Variants in ZNF850 observed in about 807,000 individuals in gnomAD.
The protein encoded by ZNF850 is putative zinc finger protein ENSP00000330994.
In ZNF850, 2 loss-of-function variants were observed where a neutral mutation model predicts 11.9. The observed-to-expected ratio is 0.17, with a 90% confidence interval of 0.07 to 0.53. The LOEUF is 0.53. ZNF850 is among the 20% of genes least tolerant of loss of function. ZNF850 has a pLI of 0.94. For missense variants in ZNF850, 1,014 were observed against 1,316.4 expected, an observed-to-expected ratio of 0.77 and a Z score of 3.55; for synonymous variants, 381 against 443.0, an observed-to-expected ratio of 0.86 and a Z score of 1.76.
intron 1 of ZNF850, among the ~76,000 whole-genome samples, chr19:36,771,324 G>C (rs1007253804): frequency 6.7e-6 from 1 of 150,206 alleles, no homozygotes; most frequent in African/African-American, 2.4e-5. Context: ...GCACTACCCA[G>C]CTTGGCCCTG....
At position 36,747,978 on chromosome 19, in the gene ZNF850, G is replaced by A. The variant is rs779004307; in HGVS notation, c.3062C>T (p.Pro1021Leu). 2.5e-6 allele frequency: 4 copies of A among 1,584,908 alleles called. No individual in the cohort carries two copies. The Admixed American group carries it at 7.2e-5, about 29-fold the overall frequency. Reference sequence around the variant, plus strand: ...TCGTTTATGTTGACTAAGTTGTGAAGGACATCTAAAGGCCTTCCCACATTC... The same window carrying A: ...TCGTTTATGTTGACTAAGTTGTGAAAGACATCTAAAGGCCTTCCCACATTC... The part of the protein sequence containing the change: ...CKECGKAFRC[P>L]SQLSQHKRIH... The change falls in exon 5 of 5, where the codon CCT (proline) becomes CTT (leucine). Residue 1021 changes from proline (P) to leucine (L), a missense_variant. This residue lies in a region of ZNF850 where 179 missense variants were observed against 294.4 expected (regional missense o/e 0.61). Coordinates refer to ENST00000591344, the MANE Select transcript of ZNF850 (RefSeq NM_001193552.2).
At position 36,750,676 on chromosome 19, in the gene ZNF850, C is replaced by G; in HGVS notation, c.364G>C (p.Glu122Gln). ...TGGTGCTGAAACTGGCCTTTGCATT[C>G]CCAGTCATCTCTGACACTGGAGCCC... ...LVGSSVRDDW[E>Q]CKGQFQHQDI... Residue 122 changes from glutamate (E) to glutamine (Q), a missense_variant, in exon 5 of 5, where the codon GAA (glutamate) becomes CAA (glutamine). Glu to Gln is a conservative substitution (Grantham distance 29, BLOSUM62 2). Around this residue, in one of 2 missense-constraint regions of ZNF850, gnomAD observed 835 missense variants for 1,022.0 expected, o/e 0.82. Coordinates refer to ENST00000591344, the MANE Select transcript of ZNF850 (RefSeq NM_001193552.2). The G allele has an allele frequency of 6.5e-7, 1 of 1,536,138 alleles. No individual in the cohort carries two copies. Among genetic ancestry groups the G allele is most frequent in the Non-Finnish European group, 8.7e-7 (1 of 1,146,932 alleles).
chr19:36,760,066 A>G (rs1035472676), intron 4 of ZNF850, among the ~76,000 whole-genome samples: 1 of 152,200 alleles, frequency 6.6e-6, no homozygotes. Context: ...CTTCACATTT[A>G]TATCTACAGT....
Position 36,761,631 on chromosome 19 carries a change from G to C in ZNF850, c.235+12C>G. Reference sequence around the variant, plus strand: ...CAGCAGTGTCTTCCCCATGTGCTCAGTCCTTACTCACCTCGGCACCATCCT... The same window carrying C: ...CAGCAGTGTCTTCCCCATGTGCTCACTCCTTACTCACCTCGGCACCATCCT... On this transcript the variant is annotated intron_variant, in intron 4 of 4. Transcript: ENST00000591344. 6.7e-7 allele frequency: 1 copy of C among 1,502,324 alleles called. No individual in the cohort carries two copies. The highest frequency in any genetic ancestry group is 1.2e-5 in the South Asian group (1 of 83,536). 93.1% of individuals were successfully genotyped at this position (1,502,324 alleles called of 1,614,324 possible).
chr19:36,766,827 G>C lies in ZNF850; in HGVS notation c.-69-4152C>G, dbSNP rs145514827. On this transcript the variant is annotated intron_variant, in intron 1 of 4. Transcript: ENST00000591344. Reference sequence around the variant, plus strand: ...TTCAAAATATAAGTATTTTGGCCATGTGTGGTGGCTCATGCCTGTAGTCCC... The same window carrying C: ...TTCAAAATATAAGTATTTTGGCCATCTGTGGTGGCTCATGCCTGTAGTCCC... 2.6e-5 allele frequency among the ~76,000 whole-genome samples: 4 copies of C among 152,336 alleles called. No homozygotes were observed. In the East Asian group the frequency reaches 7.7e-4, roughly 29 times the overall value.
chr19:36,759,705 G>A (rs892576189), intron 4 of ZNF850, among the ~76,000 whole-genome samples: 18 of 152,100 alleles, frequency 1.2e-4, no homozygotes, highest in East Asian at 9.7e-4. Flanking sequence ...AAAGACCTCC[G>A]TAATCAAGTT....
At chr19:36,758,943 T>C (rs886771515) in intron 4 of ZNF850, among the ~76,000 whole-genome samples, 1 of 151,610 alleles carries the variant, frequency 6.6e-6, no homozygotes, top group Admixed American at 6.6e-5. Flanking sequence ...ATTAGCTGGG[T>C]GTGGTGGCAC....
chr19:36,767,188 G>A (rs1427561112), intron 1 of ZNF850, among the ~76,000 whole-genome samples: 3 of 151,976 alleles, frequency 2.0e-5, no homozygotes, highest in Admixed American at 6.6e-5. Context: ...AGTGAGCCAA[G>A]ACCGTGGCAC....
intron 4 of ZNF850, among the ~76,000 whole-genome samples, chr19:36,755,030 C>T (rs542549635): frequency 3.3e-5 from 5 of 152,240 alleles, no homozygotes; most frequent in Admixed American, 2.0e-4. Context: ...TCCCCACCCC[C>T]ACAAAAACAC....
intron 4 of ZNF850, among the ~76,000 whole-genome samples, chr19:36,754,029 A>G (rs2040470323): frequency 6.6e-6 from 1 of 151,688 alleles, no homozygotes; most frequent in Non-Finnish European, 1.5e-5. Flanking sequence ...ACAGGCCAAG[A>G]GAGGTGGATT....
At chr19:36,767,612 T>C (rs1198325849) in intron 1 of ZNF850, among the ~76,000 whole-genome samples, 1 of 143,496 alleles carries the variant, frequency 7.0e-6, no homozygotes, top group Non-Finnish European at 1.5e-5. Context: ...GCCTGTAATC[T>C]AGGCTACTCG....
chr19:36,760,505 C>T (rs979497605), intron 4 of ZNF850, among the ~76,000 whole-genome samples: 10 of 151,576 alleles, frequency 6.6e-5, no homozygotes, highest in Non-Finnish European at 1.2e-4. Flanking sequence ...TTATATCTTC[C>T]ATAACTGTCA....
chr19:36,768,335 A>G (rs1427660393), intron 1 of ZNF850, among the ~76,000 whole-genome samples: 5 of 152,130 alleles, frequency 3.3e-5, no homozygotes, highest in African/African-American at 1.2e-4. Flanking sequence ...AGAAATTTTG[A>G]TTAGAATCTT....
chr19:36,770,734 A>AAAAAAAAAAAAAAC (rs2040576619), intron 1 of ZNF850, among the ~76,000 whole-genome samples: 1 of 147,616 alleles, frequency 6.8e-6, no homozygotes, highest in Admixed American at 6.9e-5. Flanking sequence ...AAAAAAAAAA[A>AAAAAAAAAAAAAAC]AAAAGCCAGC....
intron 4 of ZNF850, among the ~76,000 whole-genome samples, chr19:36,754,149 CAGAG>C (rs56915048): frequency 8.0e-6 from 1 of 124,474 alleles, no homozygotes; most frequent in Non-Finnish European, 1.6e-5. Flanking sequence ...GCCCGGGCAA[CAGAG>C]AGAGAGAGAC....
At chr19:36,770,334 C>T (rs2040573256) in intron 1 of ZNF850, among the ~76,000 whole-genome samples, 1 of 152,172 alleles carries the variant, frequency 6.6e-6, no homozygotes, top group Non-Finnish European at 1.5e-5. Context: ...AAAGTCTCAA[C>T]CCTCTAATCC....
chr19:36,770,925 T>C (rs1343820806), intron 1 of ZNF850, among the ~76,000 whole-genome samples: 4 of 152,052 alleles, frequency 2.6e-5, no homozygotes. Flanking sequence ...GTACAAACTA[T>C]TGATCGAGCC....
In ZNF850 at chr19:36,748,712, C is replaced by T; in HGVS notation, c.2328G>A (p.Gln776=). 6.5e-7 allele frequency: 1 copy of T among 1,539,248 alleles called. No individual in the cohort carries two copies. Among genetic ancestry groups the T allele is most frequent in the East Asian group, 2.4e-5 (1 of 40,900 alleles). ...FTSHSTLIQH[Q]QIHTGEKLYD... ...AGAGCTTCTCACCAGTGTGTATTTG[C>T]TGATGTTGAATTAGTGTTGAGTGAG... The change falls in exon 5 of 5, where the codon CAG becomes CAA. Residue 776 remains glutamine (Q), a synonymous_variant. Transcript: ENST00000591344.
intron 1 of ZNF850, among the ~76,000 whole-genome samples, chr19:36,764,616 C>T (rs1189738405): frequency 2.0e-5 from 3 of 152,018 alleles, no homozygotes; most frequent in Non-Finnish European, 4.4e-5. Context: ...AACAAAATCT[C>T]AAGATACGCC....
Sources: gnomAD v4.1 joint callset for allele counts (sites outside exome capture counted in the v4.1 genomes callset) on GRCh38, gnomAD v4.1.1 for gene constraint, gnomAD v4.1.1 regional missense constraint, MANE v1.5 for transcripts, NCBI Gene and HGNC (gene_info 2026-07-23, HGNC 2026-07-21) for gene names.